TBXAS1: variants seen among roughly 807,000 people sequenced by gnomAD.
The protein encoded by TBXAS1 is thromboxane A synthase 1, also known as thromboxane-A synthase.
TBXAS1 carries 48 observed loss-of-function variants against 60.7 expected under a neutral mutation model. That is an observed-to-expected ratio of 0.79 (90% CI 0.63 to 1.01). The LOEUF (loss-of-function observed/expected upper bound fraction) is 1.01. Among genes scored for constraint, TBXAS1 ranks in the 50% least tolerant of loss-of-function variants. TBXAS1 has a pLI of 0.00. For missense variants in TBXAS1, 685 were observed against 686.3 expected (o/e 1.00, Z 0.02); for synonymous variants, 287 against 269.7 (o/e 1.06, Z -0.63).
At chr7:139,958,307 G>A (rs777240574) in intron 8 of TBXAS1, among the ~76,000 whole-genome samples, 24 of 152,192 alleles carry the variant, frequency 1.6e-4, no homozygotes, top group Non-Finnish European at 2.9e-4. Context: ...CATATGAGAC[G>A]TAGCATTTTC....
intron 4 of TBXAS1, among the ~76,000 whole-genome samples, chr7:139,917,629 T>C (rs527516362): frequency 5.3e-5 from 8 of 152,368 alleles, no homozygotes; most frequent in African/African-American, 1.9e-4. Context: ...GTAGCTAAGT[T>C]TTAATTCTAA....
Position 139,875,645 on chromosome 7 carries a change from G to A in TBXAS1, c.236+8G>A. 1.9e-6 allele frequency: 3 copies of A among 1,607,284 alleles called. No individual in the cohort carries two copies. Among genetic ancestry groups the A allele is most frequent in the Non-Finnish European group, 2.5e-6 (3 of 1,179,972 alleles). On this transcript the variant is annotated splice_region_variant and intron_variant, in intron 3 of 12. Coordinates refer to ENST00000448866, the MANE Select transcript of TBXAS1 (RefSeq NM_001061.7). Reference sequence around the variant, plus strand: ...GTATGGACCTCTGTGTGGGTAAGAAGGAAACTCAACGTTTCTATTATGTAC... The same window carrying A: ...GTATGGACCTCTGTGTGGGTAAGAAAGAAACTCAACGTTTCTATTATGTAC...
chr7:139,811,047 CT>C (rs1426298818), intron 4 of TBXAS1, among the ~76,000 whole-genome samples: 2 of 152,160 alleles, frequency 1.3e-5, no homozygotes, highest in African/African-American at 4.8e-5. Flanking sequence ...ACACATCAGA[CT>C]GAAAAGCAAA....
intron 9 of TBXAS1, among the ~76,000 whole-genome samples, chr7:139,967,444 C>T (rs147297451): frequency 0.016 from 2,400 of 152,256 alleles, 32 homozygotes; most frequent in Non-Finnish European, 0.026. Context: ...TTCTTTAAAT[C>T]CCTCTAATGT....
intron 5 of TBXAS1, among the ~76,000 whole-genome samples, chr7:139,942,911 A>T (rs1808405462): frequency 6.6e-6 from 1 of 152,228 alleles, no homozygotes; most frequent in African/African-American, 2.4e-5. Context: ...TGGAGACGAC[A>T]TGTTACTCGA....
At chr7:139,838,919 A>G (rs571147336) in intron 1 of TBXAS1, among the ~76,000 whole-genome samples, 23 of 152,170 alleles carry the variant, frequency 1.5e-4, no homozygotes, top group Non-Finnish European at 1.8e-4. Flanking sequence ...AAGATAACAC[A>G]TTTTAAAAAC....
At chr7:139,809,112 G>A (rs1797948780) in intron 4 of TBXAS1, among the ~76,000 whole-genome samples, 1 of 151,866 alleles carries the variant, frequency 6.6e-6, no homozygotes, top group Non-Finnish European at 1.5e-5. Context: ...GCAAAGTGTT[G>A]TATTAGAGTT....
intron 4 of TBXAS1, among the ~76,000 whole-genome samples, chr7:139,928,689 AC>A (rs1322020139): frequency 3.3e-5 from 5 of 152,148 alleles, no homozygotes; most frequent in Non-Finnish European, 7.4e-5. Flanking sequence ...GAAACCACCA[AC>A]CCGTTGCTTC....
At chr7:139,786,569 A>G (rs1797208411) in intron 3 of TBXAS1, among the ~76,000 whole-genome samples, 1 of 151,690 alleles carries the variant, frequency 6.6e-6, no homozygotes. Flanking sequence ...TTATTTTTTC[A>G]TATAATCCTG....
Position 139,946,798 on chromosome 7 carries a change from T to C in TBXAS1, c.451-6570T>C, listed in dbSNP as rs79364543. ...GAGGTATTATTTTCATTTTTGCAGATGAGGAACTAGACTCAGTGAGGTTAG... is the reference window on the plus strand; with the variant it reads ...GAGGTATTATTTTCATTTTTGCAGACGAGGAACTAGACTCAGTGAGGTTAG... On this transcript the variant is annotated intron_variant, in intron 5 of 12. Coordinates refer to ENST00000448866, the MANE Select transcript of TBXAS1 (RefSeq NM_001061.7). 3.5e-3 allele frequency among the ~76,000 whole-genome samples: 533 copies of C among 152,324 alleles called. 4 individuals are homozygous for C. The highest frequency in any genetic ancestry group is 0.012 in the African/African-American group (516 of 41,560).
rs35299952 is a variant in TBXAS1, at chr7:139,848,135, CTTATTTATTTAT to C, written c.89+18675_89+18686del. Among the ~76,000 whole-genome samples, 16 of 150,682 alleles carry C rather than the reference CTTATTTATTTAT, an allele frequency of 1.1e-4. No individual in the cohort carries two copies. In the South Asian group the frequency reaches 3.1e-3, roughly 30 times the overall value. The stretch of plus-strand genomic sequence containing the variant: ...CATCCCTGGCTAATTTTATGTTTTA[CTTATTTATTTAT>C]TTATTTATTTATTTATTTGTAAAGA... On this transcript the variant is annotated intron_variant, in intron 1 of 12. Transcript: ENST00000448866.
At chr7:139,981,747 C>T (rs1585000023) in intron 9 of TBXAS1, among the ~76,000 whole-genome samples, 2 of 152,164 alleles carry the variant, frequency 1.3e-5, no homozygotes, top group African/African-American at 4.8e-5. Flanking sequence ...TCCAGACAGA[C>T]CATAAGTAAT....
intron 3 of TBXAS1, among the ~76,000 whole-genome samples, chr7:139,908,946 G>C (rs1805308151): frequency 1.3e-5 from 2 of 152,098 alleles, no homozygotes; most frequent in African/African-American, 4.8e-5. Flanking sequence ...CCAAATAGAT[G>C]ACTTGTGATT....
chr7:139,888,598 G>A (rs1274053767), intron 3 of TBXAS1, among the ~76,000 whole-genome samples: 2 of 152,106 alleles, frequency 1.3e-5, no homozygotes, highest in Non-Finnish European at 2.9e-5. Flanking sequence ...GTACCCCACA[G>A]TCTCTGCACT....
At chr7:139,807,109 A>T (rs2116382739) in intron 4 of TBXAS1, among the ~76,000 whole-genome samples, 1 of 152,282 alleles carries the variant, frequency 6.6e-6, no homozygotes, top group African/African-American at 2.4e-5. Flanking sequence ...CTGTGGGCAG[A>T]TGATCTCTCC....
chr7:139,857,522 A>C (rs867841817), intron 1 of TBXAS1, among the ~76,000 whole-genome samples: 1 of 152,184 alleles, frequency 6.6e-6, no homozygotes, highest in Non-Finnish European at 1.5e-5. Context: ...CATAAATATC[A>C]GTCACTTCAA....
intron 3 of TBXAS1, among the ~76,000 whole-genome samples, chr7:139,890,166 T>C (rs1473536536): frequency 6.6e-6 from 1 of 151,270 alleles, no homozygotes; most frequent in Non-Finnish European, 1.5e-5. Flanking sequence ...CATGCAGCAA[T>C]GTCCTTCGAC....
At chr7:139,836,163 A>G (rs915855462) in intron 1 of TBXAS1, among the ~76,000 whole-genome samples, 13 of 152,168 alleles carry the variant, frequency 8.5e-5, no homozygotes, top group African/African-American at 3.1e-4. Flanking sequence ...GAAAGAAATC[A>G]TAGATGACAC....
intron 3 of TBXAS1, among the ~76,000 whole-genome samples, chr7:139,786,983 GC>G (rs1179176113): frequency 6.6e-6 from 1 of 152,160 alleles, no homozygotes; most frequent in African/African-American, 2.4e-5. Context: ...TGAGAGGAGA[GC>G]TGTCTTTATG....
Sources: gnomAD v4.1 joint callset for allele counts (sites outside exome capture counted in the v4.1 genomes callset) on GRCh38, gnomAD v4.1.1 for gene constraint, MANE v1.5 for transcripts, NCBI Gene and HGNC (gene_info 2026-07-23, HGNC 2026-07-21) for gene names.